Variants in NRXN3 observed in about 807,000 individuals in gnomAD.
NRXN3 encodes neurexin III.
In NRXN3, 32 loss-of-function variants were observed where a neutral mutation model predicts 137.6. The observed-to-expected ratio is 0.23, with a 90% CI of 0.18 to 0.31. The LOEUF (loss-of-function observed/expected upper bound fraction) is 0.31, where lower values mean the gene tolerates loss of function less well. Among genes scored for constraint, NRXN3 ranks in the 10% least tolerant of loss-of-function variants. The probability of loss-of-function intolerance (pLI) is 1.00; values close to 1 mark genes in which losing one functional copy is unlikely to be tolerated. For synonymous variants in NRXN3, 798 were observed against 784.5 expected (o/e 1.02, Z -0.29); for missense variants, 1,574 against 2,062.5 (o/e 0.76, Z 4.59).
chr14:78,663,627 C>T (rs2152689450), intron 6 of NRXN3, among the ~76,000 whole-genome samples: 1 of 152,282 alleles, frequency 6.6e-6, no homozygotes, highest in East Asian at 1.9e-4. Context: ...TTCAAAACAC[C>T]CAAATAAGGA....
At chr14:78,607,199 A>T (rs2097260306) in intron 4 of NRXN3, among the ~76,000 whole-genome samples, 1 of 152,214 alleles carries the variant, frequency 6.6e-6, no homozygotes, top group African/African-American at 2.4e-5. Flanking sequence ...GTCTTTATTA[A>T]TATGAAGCAT....
chr14:79,537,208 C>T (rs2097219758), intron 16 of NRXN3, among the ~76,000 whole-genome samples: 1 of 151,974 alleles, frequency 6.6e-6, no homozygotes, highest in African/African-American at 2.4e-5. Flanking sequence ...CTCTAATGAT[C>T]AGTGATGTTG....
At chr14:78,595,606 C>A (rs1849056178) in intron 4 of NRXN3, among the ~76,000 whole-genome samples, 1 of 152,138 alleles carries the variant, frequency 6.6e-6, no homozygotes, top group South Asian at 2.1e-4. Context: ...TTTCTTTGAC[C>A]CAGATCCTAT....
intron 5 of NRXN3, among the ~76,000 whole-genome samples, chr14:78,647,064 G>C (rs1440839805): frequency 6.6e-6 from 1 of 152,116 alleles, no homozygotes; most frequent in Admixed American, 6.5e-5. Flanking sequence ...TCACCAATTT[G>C]TTTCTCTACC....
intron 16 of NRXN3, among the ~76,000 whole-genome samples, chr14:79,561,472 C>T (rs891767160): frequency 3.3e-5 from 5 of 152,132 alleles, no homozygotes; most frequent in Admixed American, 6.5e-5. Flanking sequence ...ACTGATGTTT[C>T]CTCATTCCTG....
At chr14:79,648,843 C>T (rs954973708) in intron 16 of NRXN3, among the ~76,000 whole-genome samples, 2 of 152,116 alleles carry the variant, frequency 1.3e-5, no homozygotes, top group African/African-American at 4.8e-5. Context: ...CATCAGCAGT[C>T]ACCCTTTGGC....
chr14:79,719,261 GT>G (rs2098834386), intron 19 of NRXN3, among the ~76,000 whole-genome samples: 1 of 133,622 alleles, frequency 7.5e-6, no homozygotes, highest in Non-Finnish European at 1.6e-5. Flanking sequence ...ATGTGTGTGT[GT>G]GTGTGTGTGT....
At chr14:79,484,273 TAA>T (rs768657278) in intron 16 of NRXN3, among the ~76,000 whole-genome samples, 2 of 152,158 alleles carry the variant, frequency 1.3e-5, no homozygotes, top group African/African-American at 2.4e-5. Context: ...ATACAGAAGT[TAA>T]CTCACTTCAT....
intron 4 of NRXN3, among the ~76,000 whole-genome samples, chr14:78,523,949 T>G: frequency 6.6e-6 from 1 of 152,090 alleles, no homozygotes; most frequent in South Asian, 2.1e-4. Context: ...CAAATGAATT[T>G]CCTTTCAATT....
chr14:78,239,696 T>G (rs2066825952), intron 1 of NRXN3, among the ~76,000 whole-genome samples: 1 of 152,064 alleles, frequency 6.6e-6, no homozygotes, highest in Admixed American at 6.5e-5. Context: ...TTCAAGTCTT[T>G]TCTTTTCTTT....
At chr14:79,703,350 T>C (rs924979318) in intron 19 of NRXN3, among the ~76,000 whole-genome samples, 1 of 152,156 alleles carries the variant, frequency 6.6e-6, no homozygotes, top group African/African-American at 2.4e-5. Context: ...GAAAAAACTT[T>C]GGATTAAAAT....
At chr14:78,575,926 T>C (rs1478981611) in intron 4 of NRXN3, among the ~76,000 whole-genome samples, 1 of 152,188 alleles carries the variant, frequency 6.6e-6, no homozygotes, top group Non-Finnish European at 1.5e-5. Flanking sequence ...AGCATACTGC[T>C]TTAAAATAGG....
At chr14:79,504,636 GTTTTTT>G (rs2096855220) in intron 16 of NRXN3, among the ~76,000 whole-genome samples, 2 of 84,802 alleles carry the variant, frequency 2.4e-5, no homozygotes, top group Admixed American at 2.3e-4. Flanking sequence ...ATAAAATGAA[GTTTTTT>G]ATATATATAT....
chr14:79,584,268 A>G (rs928690411), intron 16 of NRXN3, among the ~76,000 whole-genome samples: 1 of 152,286 alleles, frequency 6.6e-6, no homozygotes, highest in African/African-American at 2.4e-5. Context: ...CCAGGGGGTG[A>G]GCAGAAAGAA....
chr14:79,222,936 C>T (rs1017968587), intron 15 of NRXN3, among the ~76,000 whole-genome samples: 1 of 152,002 alleles, frequency 6.6e-6, no homozygotes, highest in African/African-American at 2.4e-5. Flanking sequence ...ATCATTATGT[C>T]TTTTTCAAAT....
chr14:78,261,084 A>G (rs2153474914), intron 2 of NRXN3, among the ~76,000 whole-genome samples: 1 of 152,318 alleles, frequency 6.6e-6, no homozygotes, highest in South Asian at 2.1e-4. Flanking sequence ...GTCTAAGGAA[A>G]GAGCCCAGGC....
intron 4 of NRXN3, among the ~76,000 whole-genome samples, chr14:78,374,228 G>A (rs1478445067): frequency 1.3e-5 from 2 of 152,168 alleles, no homozygotes; most frequent in Non-Finnish European, 2.9e-5. Context: ...AAGTGCTATA[G>A]GTTGAGCTAG....
At chr14:78,814,704 C>T (rs898307770) in intron 10 of NRXN3, among the ~76,000 whole-genome samples, 1 of 152,116 alleles carries the variant, frequency 6.6e-6, no homozygotes, top group African/African-American at 2.4e-5. Flanking sequence ...GGCTGTAGTT[C>T]CATAAGGCTG....
chr14:79,141,962 G>A (rs529347701), intron 15 of NRXN3, among the ~76,000 whole-genome samples: 18 of 152,188 alleles, frequency 1.2e-4, no homozygotes, highest in African/African-American at 3.9e-4. Context: ...AGCTTCTATT[G>A]AGAATCTCAG....
Sources: gnomAD v4.1 joint callset for allele counts (sites outside exome capture counted in the v4.1 genomes callset) on GRCh38, gnomAD v4.1.1 for gene constraint, MANE v1.5 for transcripts, NCBI Gene and HGNC (gene_info 2026-07-23, HGNC 2026-07-21) for gene names.